TTC28: variants seen among roughly 807,000 people sequenced by gnomAD.
TTC28 encodes the protein tetratricopeptide repeat domain 28.
TTC28 carries 61 observed loss-of-function variants against 198.0 expected under a neutral mutation model. The ratio of observed to expected loss-of-function variants is 0.31; its 90% CI spans 0.25 to 0.38. The LOEUF is 0.38. Ranked by LOEUF, TTC28 falls within the 10% of genes least tolerant of loss-of-function variation. The pLI is 1.00. For synonymous variants in TTC28, 1,171 were observed against 1,297.8 expected (o/e 0.90, Z 2.10); for missense variants, 2,678 against 3,164.0 (o/e 0.85, Z 3.69).
chr22:27,982,505 T>C lies in TTC28; in HGVS notation c.7162A>G (p.Lys2388Glu). 2 of 1,551,636 alleles carry C rather than the reference T, an allele frequency of 1.3e-6. No individual in the cohort carries two copies. The highest frequency in any genetic ancestry group is 1.7e-6 in the Non-Finnish European group (2 of 1,147,000). ...FRGAPGTMTS[K>E]RDVLSLLNLS... The stretch of plus-strand genomic sequence containing the variant: ...TTCAACAGACTGAGGACATCCCTTT[T>C]GGAAGTCATCGTGCCAGGAGCCCCC... Residue 2388 changes from lysine (K) to glutamate (E), a missense_variant, in exon 23 of 23, where the codon AAA becomes GAA. Lys to Glu is a moderately conservative substitution (Grantham distance 56, BLOSUM62 1). Coordinates refer to ENST00000397906, the MANE Select transcript of TTC28 (RefSeq NM_001145418.2). The surrounding 1 kb of genome is among the most constrained non-coding windows in gnomAD (Gnocchi z 5.2).
intron 5 of TTC28, among the ~76,000 whole-genome samples, chr22:28,214,934 A>G (rs1927258253): frequency 6.6e-6 from 1 of 152,244 alleles, no homozygotes. Flanking sequence ...CATATATACC[A>G]TGGAATACTA....
chr22:28,331,808 T>C (rs2045621077), intron 2 of TTC28, among the ~76,000 whole-genome samples: 1 of 152,064 alleles, frequency 6.6e-6, no homozygotes, highest in Non-Finnish European at 1.5e-5. Flanking sequence ...AGGACAGAAA[T>C]GAATTTAACC....
intron 12 of TTC28, among the ~76,000 whole-genome samples, chr22:28,073,793 C>G (rs185330331): frequency 4.6e-5 from 7 of 152,282 alleles, no homozygotes; most frequent in African/African-American, 1.7e-4. Context: ...CTCTTGCAAT[C>G]TTAACTTTTA....
chr22:28,452,683 G>A (rs962473951), intron 2 of TTC28, among the ~76,000 whole-genome samples: 8 of 152,114 alleles, frequency 5.3e-5, no homozygotes, highest in African/African-American at 1.9e-4. Context: ...AATGGGACAG[G>A]GGCGGTTAGG....
At position 28,229,991 on chromosome 22, in the gene TTC28, G is replaced by C. The variant is rs5762531; in HGVS notation, c.933+66207C>G. Among the ~76,000 whole-genome samples, 36 of 152,226 alleles carry C rather than the reference G, an allele frequency of 2.4e-4. No homozygotes were observed. The East Asian group carries it at 6.8e-3, about 29-fold the overall frequency. On this transcript the variant is annotated intron_variant, in intron 5 of 22. Transcript: ENST00000397906. ...AGAATGCACACATGCAATGTGTCTG[G>C]TCTCCAAGCAGAATATTTGAATAGT...
intron 2 of TTC28, among the ~76,000 whole-genome samples, chr22:28,408,338 G>A (rs2047030765): frequency 6.6e-6 from 1 of 151,764 alleles, no homozygotes; most frequent in African/African-American, 2.4e-5. Context: ...TCAAAGTAAT[G>A]TTTCACTTCA....
intron 13 of TTC28, among the ~76,000 whole-genome samples, chr22:28,026,815 C>G (rs1358126231): frequency 6.6e-6 from 1 of 152,220 alleles, no homozygotes; most frequent in East Asian, 1.9e-4. Flanking sequence ...AAGAAAGTCC[C>G]TCTCCACATT....
intron 4 of TTC28, 96 bp downstream of exon 4, chr22:28,297,484 G>C (rs918066985): frequency 7.2e-7 from 1 of 1,389,144 alleles, no homozygotes; most frequent in Non-Finnish European, 9.6e-7. Context: ...GAGCAACCAG[G>C]CGATCACTTT....
chr22:28,383,681 A>C (rs1316240744), intron 2 of TTC28, among the ~76,000 whole-genome samples: 1 of 152,170 alleles, frequency 6.6e-6, no homozygotes, highest in East Asian at 1.9e-4. Flanking sequence ...CCTACTTTCA[A>C]AAAGATATCT....
chr22:28,133,364 T>G (rs1003611137), intron 6 of TTC28, among the ~76,000 whole-genome samples: 1 of 152,126 alleles, frequency 6.6e-6, no homozygotes, highest in African/African-American at 2.4e-5. Context: ...CTGGGGCTTG[T>G]TGGACAGTGG....
At chr22:28,335,128 T>C (rs1312811795) in intron 2 of TTC28, among the ~76,000 whole-genome samples, 2 of 152,226 alleles carry the variant, frequency 1.3e-5, no homozygotes, top group Non-Finnish European at 2.9e-5. Context: ...TCCCCATTGC[T>C]TGTTTTTGTC....
chr22:28,585,694 G>C (rs2050304355), intron 2 of TTC28, among the ~76,000 whole-genome samples: 1 of 152,142 alleles, frequency 6.6e-6, no homozygotes, highest in African/African-American at 2.4e-5. Context: ...AGAGGGGCTA[G>C]TTGATTTGTC....
chr22:28,501,236 C>A (rs1415453774), intron 2 of TTC28, among the ~76,000 whole-genome samples: 1 of 152,132 alleles, frequency 6.6e-6, no homozygotes, highest in Non-Finnish European at 1.5e-5. Context: ...TTATTGAGCA[C>A]TATCCTGAGA....
chr22:28,168,710 A>G (rs1177827386), intron 5 of TTC28, among the ~76,000 whole-genome samples: 1 of 152,266 alleles, frequency 6.6e-6, no homozygotes, highest in Non-Finnish European at 1.5e-5. Context: ...ACCTATAACC[A>G]TAAAAACCCT....
intron 2 of TTC28, among the ~76,000 whole-genome samples, chr22:28,439,763 G>A (rs898694469): frequency 2.9e-4 from 44 of 152,110 alleles, no homozygotes; most frequent in African/African-American, 1.0e-3. Flanking sequence ...CCATGACAAG[G>A]TTGGGTTAAC....
intron 2 of TTC28, among the ~76,000 whole-genome samples, chr22:28,530,973 A>G (rs2049121891): frequency 6.6e-6 from 1 of 152,232 alleles, no homozygotes; most frequent in African/African-American, 2.4e-5. Context: ...TGTAAAGACC[A>G]TTGATGCTAG....
At chr22:28,174,360 C>T (rs900362433) in intron 5 of TTC28, among the ~76,000 whole-genome samples, 12 of 152,124 alleles carry the variant, frequency 7.9e-5, no homozygotes, top group African/African-American at 1.4e-4. Context: ...CAAGATAATA[C>T]GCACTTAGCT....
chr22:27,983,441 T>C lies in TTC28; in HGVS notation c.6226A>G (p.Thr2076Ala). ...PLATYQENRN[T>A]CFSPDHKQPQ... ...TGTTTGTGGTCTGGTGAGAAGCATGTGTTTCGGTTTTCTTGGTAGGTCGCC... is the reference window on the plus strand; with the variant it reads ...TGTTTGTGGTCTGGTGAGAAGCATGCGTTTCGGTTTTCTTGGTAGGTCGCC... The change falls in exon 23 of 23, where the codon ACA becomes GCA. Residue 2076 changes from threonine (T) to alanine (A), a missense_variant. Thr to Ala is a moderately conservative substitution (Grantham distance 58). Transcript: ENST00000397906. 1 of 1,547,584 alleles carries C rather than the reference T, an allele frequency of 6.5e-7. No homozygotes were observed. The highest frequency in any genetic ancestry group is 8.7e-7 in the Non-Finnish European group (1 of 1,146,106).
chr22:28,304,146 G>A (rs184999538), intron 3 of TTC28, among the ~76,000 whole-genome samples: 102 of 152,202 alleles, frequency 6.7e-4, no homozygotes, highest in African/African-American at 2.5e-3. Context: ...TTAGCCAGAC[G>A]TGGTGGCGGG....
Sources: gnomAD v4.1 joint callset for allele counts (sites outside exome capture counted in the v4.1 genomes callset) on GRCh38, gnomAD v4.1.1 for gene constraint, Gnocchi (gnomAD v3.1) non-coding constraint, MANE v1.5 for transcripts, NCBI Gene and HGNC (gene_info 2026-07-23, HGNC 2026-07-21) for gene names.